VAV3: variants seen among roughly 807,000 people sequenced by gnomAD.
VAV3 encodes guanine nucleotide exchange factor VAV3.
VAV3 carries 94 observed loss-of-function variants against 131.2 expected under a neutral mutation model. That is an observed-to-expected ratio of 0.72 (90% CI 0.61 to 0.85). The LOEUF (loss-of-function observed/expected upper bound fraction) is 0.85, where lower values mean the gene tolerates loss of function less well. VAV3 is among the 40% of genes least tolerant of loss of function. The probability of loss-of-function intolerance (pLI) is 0.00; values close to 1 mark genes in which losing one functional copy is unlikely to be tolerated. For missense variants in VAV3, 939 were observed against 1,002.7 expected (o/e 0.94, Z 0.86); for synonymous variants, 349 against 342.0 (o/e 1.02, Z -0.22).
intron 2 of VAV3, among the ~76,000 whole-genome samples, chr1:107,826,569 T>C (rs1439556519): frequency 6.6e-6 from 1 of 152,216 alleles, no homozygotes; most frequent in Non-Finnish European, 1.5e-5. Context: ...CTTTCATTAC[T>C]GCTCTAGTGT....
Position 107,956,623 on chromosome 1 carries a change from G to A in VAV3, c.204+8043C>T, listed in dbSNP as rs560020425. Among the ~76,000 whole-genome samples, 6 of 152,236 alleles carry A rather than the reference G, an allele frequency of 3.9e-5. No individual in the cohort carries two copies. The East Asian group carries it at 1.2e-3, about 29-fold the overall frequency. On this transcript the variant is annotated intron_variant, in intron 1 of 26. Transcript: ENST00000370056. ...TCGATTATAAATAAAACCATAAAGA[G>A]AGTTTTGAAATTGTAGGACCCGTAA...
chr1:107,639,017 T>C (rs1655142066), intron 20 of VAV3, among the ~76,000 whole-genome samples: 1 of 151,700 alleles, frequency 6.6e-6, no homozygotes, highest in Non-Finnish European at 1.5e-5. Flanking sequence ...CACATACACA[T>C]AAAGATATAT....
chr1:107,844,811 G>A (rs1164176693), intron 2 of VAV3, among the ~76,000 whole-genome samples: 1 of 152,204 alleles, frequency 6.6e-6, no homozygotes, highest in Non-Finnish European at 1.5e-5. Flanking sequence ...AAAGTCAGGG[G>A]CTTATAGATA....
At chr1:107,693,827 C>T (rs1328458944) in intron 17 of VAV3, among the ~76,000 whole-genome samples, 1 of 152,112 alleles carries the variant, frequency 6.6e-6, no homozygotes, top group Non-Finnish European at 1.5e-5. Flanking sequence ...GAGACAGACA[C>T]CAAATAGTCC....
chr1:107,762,116 CA>C (rs34560210), intron 9 of VAV3, among the ~76,000 whole-genome samples: 39,502 of 107,656 alleles, frequency 0.37, 5,244 homozygotes, highest in Non-Finnish European at 0.42. Context: ...TGGTGTTCTT[CA>C]AAAAAAAAAA....
Position 107,738,225 on chromosome 1 carries a change from G to A in VAV3, c.1502+10743C>T, listed in dbSNP as rs142839886. On this transcript the variant is annotated intron_variant, in intron 15 of 26. Coordinates refer to ENST00000370056, the MANE Select transcript of VAV3 (RefSeq NM_006113.5). Reference sequence around the variant, plus strand: ...CATCTGGGGTGAGGGAATGGGGGAGGGATAGCATTAGGAGAAAAACCTAAT... The same window carrying A: ...CATCTGGGGTGAGGGAATGGGGGAGAGATAGCATTAGGAGAAAAACCTAAT... Among the ~76,000 whole-genome samples, 65 of 152,182 alleles carry A rather than the reference G, an allele frequency of 4.3e-4. 2 individuals are homozygous for A. The East Asian group carries it at 0.012, about 29-fold the overall frequency.
intron 15 of VAV3, among the ~76,000 whole-genome samples, chr1:107,730,390 AG>A (rs1662158242): frequency 6.6e-6 from 1 of 152,216 alleles, no homozygotes; most frequent in Admixed American, 6.5e-5. Flanking sequence ...TTTCCTTCTC[AG>A]TTCCTTTACT....
chr1:107,783,070 A>G lies in VAV3; in HGVS notation c.322-3578T>C, dbSNP rs557003001. 7.2e-5 allele frequency among the ~76,000 whole-genome samples: 11 copies of G among 152,318 alleles called. No individual in the cohort carries two copies. In the East Asian group the frequency reaches 2.1e-3, roughly 29 times the overall value. Reference sequence around the variant, plus strand: ...CTTTCCCTTTGTCTATCCTTTGGTGAGTAAGAAGAGTGGCATCTGTAAAGA... The same window carrying G: ...CTTTCCCTTTGTCTATCCTTTGGTGGGTAAGAAGAGTGGCATCTGTAAAGA... On this transcript the variant is annotated intron_variant, in intron 2 of 26. Transcript: ENST00000370056.
chr1:107,599,085 T>C (rs1651630067), intron 24 of VAV3, among the ~76,000 whole-genome samples: 1 of 152,166 alleles, frequency 6.6e-6, no homozygotes, highest in African/African-American at 2.4e-5. Flanking sequence ...TATTTAATAC[T>C]CGCCCACCCC....
intron 1 of VAV3, among the ~76,000 whole-genome samples, chr1:107,947,543 T>C (rs1674327195): frequency 6.6e-6 from 1 of 152,132 alleles, no homozygotes; most frequent in Non-Finnish European, 1.5e-5. Flanking sequence ...CTGAGTTCAC[T>C]TACTCTTCAC....
intron 2 of VAV3, among the ~76,000 whole-genome samples, chr1:107,789,204 C>A (rs1666163602): frequency 1.3e-5 from 2 of 152,210 alleles, no homozygotes; most frequent in Non-Finnish European, 2.9e-5. Context: ...AATCACACAG[C>A]TGGGACAAAG....
rs1649315318 is a variant in VAV3, at chr1:107,572,266, C to T, written c.*1065G>A. ...GGAGGCCCACAAAAGTCCACTGACCCTCTTTCTGTCCCAGAAATGAATAAA... is the reference window on the plus strand; with the variant it reads ...GGAGGCCCACAAAAGTCCACTGACCTTCTTTCTGTCCCAGAAATGAATAAA... On this transcript the variant is annotated 3_prime_UTR_variant, in exon 27 of 27. Transcript: ENST00000370056. 2 of 152,206 alleles carry T rather than the reference C, an allele frequency of 1.3e-5. No individual in the cohort carries two copies. Among genetic ancestry groups the T allele is most frequent in the African/African-American group, 4.8e-5 (2 of 41,454 alleles). 9.4% of individuals were successfully genotyped at this position (152,206 alleles called of 1,614,324 possible). A position where few individuals can be genotyped will look rare whatever the true frequency, so the allele number is the denominator to read the frequency against.
chr1:107,711,631 C>T (rs558280893), intron 15 of VAV3, among the ~76,000 whole-genome samples: 1 of 152,134 alleles, frequency 6.6e-6, no homozygotes, highest in East Asian at 1.9e-4. Context: ...AAAATCCTAA[C>T]ATGAAAAGTT....
chr1:107,930,370 A>C (rs1378830905), intron 1 of VAV3, among the ~76,000 whole-genome samples: 2 of 152,136 alleles, frequency 1.3e-5, no homozygotes, highest in Non-Finnish European at 2.9e-5. Context: ...TTGATAAAAA[A>C]CACATTGAAT....
At chr1:107,858,272 A>G (rs1481369398) in intron 2 of VAV3, among the ~76,000 whole-genome samples, 3 of 152,210 alleles carry the variant, frequency 2.0e-5, no homozygotes, top group East Asian at 1.9e-4. Context: ...TGAGATTAAC[A>G]TATTGACAGC....
rs780708007 is a variant in VAV3, at chr1:107,964,846, C to T, written c.24G>A (p.Ala8=). Reference sequence around the variant, plus strand: ...GCACCTTGCAATGGATGAGCCACTGCGCGCACTGCTTCCACGGCTCCATGC... The same window carrying T: ...GCACCTTGCAATGGATGAGCCACTGTGCGCACTGCTTCCACGGCTCCATGC... The part of the protein sequence containing the change: MEPWKQC[A]QWLIHCKVLP... The change falls in exon 1 of 27, where the codon GCG becomes GCA. Residue 8 remains alanine (A), a synonymous_variant. Transcript: ENST00000370056. 33 of 1,609,270 alleles carry T rather than the reference C, an allele frequency of 2.1e-5. No homozygotes were observed. The highest frequency in any genetic ancestry group is 9.3e-6 in the Non-Finnish European group (11 of 1,177,896).
intron 1 of VAV3, among the ~76,000 whole-genome samples, chr1:107,921,252 C>T (rs979250843): frequency 2.6e-5 from 4 of 152,172 alleles, no homozygotes; most frequent in Admixed American, 6.5e-5. Flanking sequence ...CCTTCACTCT[C>T]GACCTGATCC....
intron 2 of VAV3, among the ~76,000 whole-genome samples, chr1:107,820,157 C>T (rs142800648): frequency 1.5e-3 from 232 of 152,298 alleles, no homozygotes; most frequent in African/African-American, 5.4e-3. Flanking sequence ...TATCTGCACT[C>T]CCCTGTTTAT....
At chr1:107,617,301 T>C (rs1384190003) in intron 21 of VAV3, among the ~76,000 whole-genome samples, 1 of 152,176 alleles carries the variant, frequency 6.6e-6, no homozygotes, top group Non-Finnish European at 1.5e-5. Context: ...AATTTGTAGC[T>C]GTGGTTTATT....
Sources: allele counts gnomAD v4.1 joint callset (sites outside exome capture counted in the v4.1 genomes callset), GRCh38; gene constraint gnomAD v4.1.1; transcripts MANE v1.5; gene names NCBI Gene and HGNC (gene_info 2026-07-23, HGNC 2026-07-21).